ADAMTS2: variants seen among roughly 807,000 people sequenced by gnomAD.
The protein encoded by ADAMTS2 is ADAM metallopeptidase with thrombospondin type 1 motif 2.
A neutral mutation model predicts 123.0 loss-of-function variants in ADAMTS2; 50 were observed. That is an observed-to-expected ratio of 0.41 (90% confidence interval 0.32 to 0.51). ADAMTS2 has a LOEUF of 0.51. ADAMTS2 is among the 20% of genes least tolerant of loss of function. ADAMTS2 has a pLI of 0.35. For synonymous variants in ADAMTS2, 678 were observed against 695.4 expected (o/e 0.98, Z 0.39); for missense variants, 1,494 against 1,705.2 (o/e 0.88, Z 2.18).
rs1331221248 is a variant in ADAMTS2, at chr5:179,155,912, C to G, written c.1133-993G>C. 1.3e-5 allele frequency among the ~76,000 whole-genome samples: 2 copies of G among 152,076 alleles called. No homozygotes were observed. The highest frequency in any genetic ancestry group is 2.9e-5 in the Non-Finnish European group (2 of 68,020). ...AAGGGAAGGAGGGCCACTGGGACCC[C>G]GGGTGAGCTGGCGGTGTACGCGCCT... is the stretch of plus-strand genomic sequence containing the variant. On this transcript the variant is annotated intron_variant, in intron 6 of 21. Transcript: ENST00000251582. This position sits in a 1 kb window ranked among gnomAD's most constrained non-coding sequence, Gnocchi z 5.1.
intron 3 of ADAMTS2, among the ~76,000 whole-genome samples, chr5:179,224,633 G>T (rs979074406): frequency 6.6e-6 from 1 of 152,238 alleles, no homozygotes; most frequent in Non-Finnish European, 1.5e-5. Context: ...AGCCCAAGGT[G>T]GCCAGTGGTG....
chr5:179,179,710 C>T (rs951791027), intron 5 of ADAMTS2, among the ~76,000 whole-genome samples: 3 of 152,278 alleles, frequency 2.0e-5, no homozygotes, highest in African/African-American at 2.4e-5. Flanking sequence ...TGGGTGCCTT[C>T]GGTCACTGTG....
At chr5:179,208,813 C>T (rs1764781701) in intron 3 of ADAMTS2, among the ~76,000 whole-genome samples, 1 of 152,194 alleles carries the variant, frequency 6.6e-6, no homozygotes, top group Non-Finnish European at 1.5e-5. Context: ...CCCAGGGTCT[C>T]CATGGCATTC....
intron 13 of ADAMTS2, among the ~76,000 whole-genome samples, chr5:179,133,404 A>G (rs1581143681): frequency 6.6e-6 from 1 of 150,880 alleles, no homozygotes; most frequent in East Asian, 2.0e-4. Flanking sequence ...AGTAGCTGGG[A>G]TTACAGGTGC....
chr5:179,184,727 C>T (rs910498468), intron 4 of ADAMTS2, among the ~76,000 whole-genome samples: 12 of 152,078 alleles, frequency 7.9e-5, no homozygotes, highest in Non-Finnish European at 1.8e-4. Flanking sequence ...CGAGCCTGAC[C>T]TGGTCTCTCC....
At chr5:179,243,909 A>G (rs1008921214) in intron 3 of ADAMTS2, among the ~76,000 whole-genome samples, 1 of 152,238 alleles carries the variant, frequency 6.6e-6, no homozygotes, top group Non-Finnish European at 1.5e-5. Flanking sequence ...GAGGCTTAAC[A>G]GTAGATTGGA....
chr5:179,336,810 G>A (rs1757626459), intron 2 of ADAMTS2, among the ~76,000 whole-genome samples: 1 of 152,166 alleles, frequency 6.6e-6, no homozygotes, highest in African/African-American at 2.4e-5. Flanking sequence ...GGAGCACAGC[G>A]GACCATGTGA....
At chr5:179,207,475 T>TCCCCCCCCCCCCCCTCCCCCCCCCCCC in intron 4 of ADAMTS2, 38 bp downstream of exon 4, 1 of 588,618 alleles carries the variant, frequency 1.7e-6, no homozygotes, top group Non-Finnish European at 3.2e-6. Context: ...TGGTTGACCC[T>TCCCCCCCCCCCCCCTCCCCCCCCCCCC]CCCCGCCCCA....
At chr5:179,148,003 C>T (rs114401780) in intron 10 of ADAMTS2, among the ~76,000 whole-genome samples, 1,980 of 152,296 alleles carry the variant, frequency 0.013, 42 homozygotes, top group African/African-American at 0.045. Flanking sequence ...GACCCCAAAG[C>T]GTAAGCATCA....
At chr5:179,330,176 G>T (rs1179731052) in intron 2 of ADAMTS2, among the ~76,000 whole-genome samples, 1 of 148,984 alleles carries the variant, frequency 6.7e-6, no homozygotes, top group Non-Finnish European at 1.5e-5. Flanking sequence ...ACAATAACAC[G>T]ATTGCCTGAC....
In ADAMTS2 at chr5:179,303,028, G is replaced by A. The variant is rs919665098; in HGVS notation, c.535-29964C>T. Among the ~76,000 whole-genome samples the A allele has an allele frequency of 6.6e-6, 1 of 151,834 alleles. No individual in the cohort carries two copies. Among genetic ancestry groups the A allele is most frequent in the Non-Finnish European group, 1.5e-5 (1 of 67,936 alleles). On this transcript the variant is annotated intron_variant, in intron 2 of 21. Coordinates refer to ENST00000251582, the MANE Select transcript of ADAMTS2 (RefSeq NM_014244.5). This position sits in a 1 kb window ranked among gnomAD's most constrained non-coding sequence, Gnocchi z 4.7. The stretch of plus-strand genomic sequence containing the variant: ...GGGGTACAGGAGGTCAGAGTGGTGG[G>A]CGGGGGCAGACTGCACAGAGCTTCC...
In ADAMTS2 at chr5:179,132,096, TG is replaced by T; in HGVS notation, c.2290+133del. 1 of 843,978 alleles carries T rather than the reference TG, an allele frequency of 1.2e-6. No homozygotes were observed. The highest frequency in any genetic ancestry group is 1.9e-6 in the Non-Finnish European group (1 of 513,350). 52.3% of individuals were successfully genotyped at this position (843,978 alleles called of 1,614,324 possible). The stretch of plus-strand genomic sequence containing the variant: ...AGGTGGGCTGAGCAGAGGGACAGGT[TG>T]GGGAGGGGCTGCCCTGGCTCAGGTC... On this transcript the variant is annotated intron_variant, in intron 15 of 21. Coordinates refer to ENST00000251582, the MANE Select transcript of ADAMTS2 (RefSeq NM_014244.5). The surrounding 1 kb of genome is among the most constrained non-coding windows in gnomAD (Gnocchi z 6.1).
At chr5:179,207,041 A>G (rs901288955) in intron 4 of ADAMTS2, among the ~76,000 whole-genome samples, 30 of 152,156 alleles carry the variant, frequency 2.0e-4, no homozygotes, top group Admixed American at 5.9e-4. Flanking sequence ...TAAACAGAAA[A>G]GGGGCTTCTG....
intron 2 of ADAMTS2, among the ~76,000 whole-genome samples, chr5:179,296,576 G>C (rs1435807550): frequency 1.3e-5 from 2 of 152,176 alleles, no homozygotes; most frequent in African/African-American, 4.8e-5. Context: ...ACAGCAAAGA[G>C]GACCAGTGGC....
Position 179,132,993 on chromosome 5 carries a change from A to C in ADAMTS2, c.2086-93T>G. 1.3e-6 allele frequency: 2 copies of C among 1,519,626 alleles called. No individual in the cohort carries two copies. Among genetic ancestry groups the C allele is most frequent in the African/African-American group, 1.4e-5 (1 of 72,776 alleles). The allele number at this position is 1,519,626 out of a possible 1,614,324, so 94.1% of individuals were successfully genotyped here. On this transcript the variant is annotated intron_variant, in intron 13 of 21. Transcript: ENST00000251582. This position sits in a 1 kb window ranked among gnomAD's most constrained non-coding sequence, Gnocchi z 6.1. ...CCCCCAGTCTCGAACACCTGGCCTC[A>C]AGCGATCCTCCTGCCTTGGCCTCCC...
chr5:179,289,177 G>A (rs10041100), intron 2 of ADAMTS2, among the ~76,000 whole-genome samples: 5,112 of 152,166 alleles, frequency 0.034, 244 homozygotes, highest in African/African-American at 0.1. Context: ...CCACCGCCCC[G>A]TGTGAAATCA....
At chr5:179,316,957 T>C (rs1434907488) in intron 2 of ADAMTS2, among the ~76,000 whole-genome samples, 1 of 151,952 alleles carries the variant, frequency 6.6e-6, no homozygotes, top group Non-Finnish European at 1.5e-5. Context: ...GAAATATATT[T>C]AATTTTTTAA....
intron 13 of ADAMTS2, among the ~76,000 whole-genome samples, chr5:179,134,545 T>TC (rs1763018826): frequency 6.6e-6 from 1 of 152,094 alleles, no homozygotes; most frequent in African/African-American, 2.4e-5. Context: ...GACATTGGCC[T>TC]CCCCACGTCC....
Position 179,188,894 on chromosome 5 carries a change from G to A in ADAMTS2, c.892-7739C>T, listed in dbSNP as rs1402086910. ...CTCAGTGTGGCACTCCAGCAGGCACGTTGAGAAGACAGGTCGCATTACAAA... is the reference window on the plus strand; with the variant it reads ...CTCAGTGTGGCACTCCAGCAGGCACATTGAGAAGACAGGTCGCATTACAAA... On this transcript the variant is annotated intron_variant, in intron 4 of 21. Transcript: ENST00000251582. The surrounding 1 kb of genome is among the most constrained non-coding windows in gnomAD (Gnocchi z 5.1). Among the ~76,000 whole-genome samples the A allele has an allele frequency of 6.6e-6, 1 of 152,144 alleles. No homozygotes were observed. The highest frequency in any genetic ancestry group is 1.5e-5 in the Non-Finnish European group (1 of 68,022).
Sources: gnomAD v4.1 joint callset for allele counts (sites outside exome capture counted in the v4.1 genomes callset) on GRCh38, gnomAD v4.1.1 for gene constraint, Gnocchi (gnomAD v3.1) non-coding constraint, MANE v1.5 for transcripts, NCBI Gene and HGNC (gene_info 2026-07-23, HGNC 2026-07-21) for gene names.